ZNF71: variants seen among roughly 807,000 people sequenced by gnomAD.
ZNF71 encodes the protein zinc finger protein 71.
Under a neutral mutation model 6.7 loss-of-function variants are expected in ZNF71, and 3 were observed. The observed-to-expected ratio is 0.45, with a 90% CI of 0.20 to 1.16. ZNF71 has a LOEUF of 1.16. Ranked by LOEUF, ZNF71 falls within the 50% of genes most tolerant of loss-of-function variation. The pLI, the probability that ZNF71 is intolerant of heterozygous loss-of-function variation, is 0.25. For missense variants in ZNF71, 688 were observed against 728.6 expected (o/e 0.94, Z 0.64); for synonymous variants, 343 against 311.1 (o/e 1.10, Z -1.08).
intron 2 of ZNF71, among the ~76,000 whole-genome samples, chr19:56,612,081 T>C (rs2044756122): frequency 6.6e-6 from 1 of 152,250 alleles, no homozygotes; most frequent in African/African-American, 2.4e-5. Flanking sequence ...AAGGGAATGC[T>C]TATACACTGC....
intron 2 of ZNF71, among the ~76,000 whole-genome samples, chr19:56,605,912 G>C (rs1302130143): frequency 6.6e-6 from 1 of 152,208 alleles, no homozygotes; most frequent in African/African-American, 2.4e-5. Flanking sequence ...ATTATACATG[G>C]ATGAGGCCAT....
chr19:56,610,172 G>A (rs1180210087), intron 2 of ZNF71: 2 of 152,174 alleles, frequency 1.3e-5, no homozygotes, highest in Admixed American at 6.5e-5. Context: ...TAGGTCATAA[G>A]GTAACTCTGT....
rs146186559 is a variant in ZNF71 at position 56,622,059 on chromosome 19, A to G, written c.952A>G (p.Ile318Val). 2.0e-5 allele frequency: 32 copies of G among 1,612,990 alleles called. No individual in the cohort carries two copies. In the African/African-American group the frequency reaches 3.3e-4, roughly 17 times the overall value. ...GGCCTTCAGCCAGAACATGCACCTC[A>G]TCGTGCACCAGCGCACGCACACCGG... ...GKAFSQNMHL[I>V]VHQRTHTGEK... The change falls in exon 4 of 4, where the codon ATC becomes GTC. Residue 318 changes from isoleucine to valine, a missense_variant. Coordinates refer to ENST00000599599, the MANE Select transcript of ZNF71 (RefSeq NM_001370215.1).
chr19:56,621,521 G>A lies in ZNF71; in HGVS notation c.414G>A (p.Leu138=), dbSNP rs765637365. The A allele has an allele frequency of 5.0e-6, 8 of 1,614,070 alleles. No individual in the cohort carries two copies. In the East Asian group the frequency reaches 1.3e-4, roughly 27 times the overall value. ...LGGSVPACHE[L]KAFANQGCVL... is the part of the protein sequence containing the mutation. ...GCTCAGTACCCGCATGTCATGAACT[G>A]AAGGCATTTGCCAACCAAGGCTGTG... Residue 138 remains leucine (L), a synonymous_variant, in exon 4 of 4, where the codon CTG becomes CTA. Coordinates refer to ENST00000599599, the MANE Select transcript of ZNF71 (RefSeq NM_001370215.1).
chr19:56,609,680 G>A (rs1030457508), intron 2 of ZNF71, among the ~76,000 whole-genome samples: 7 of 141,002 alleles, frequency 5.0e-5, no homozygotes, highest in Admixed American at 2.0e-4. Flanking sequence ...TGAGCCATAC[G>A]ATATGGATTT....
At chr19:56,602,402 C>T (rs1445608355) in intron 2 of ZNF71, among the ~76,000 whole-genome samples, 1 of 152,136 alleles carries the variant, frequency 6.6e-6, no homozygotes, top group African/African-American at 2.4e-5. Flanking sequence ...GGTATGTATT[C>T]CCACCAGCAT....
At chr19:56,602,983 A>G (rs902797859) in intron 2 of ZNF71, among the ~76,000 whole-genome samples, 16 of 152,156 alleles carry the variant, frequency 1.1e-4, no homozygotes, top group African/African-American at 3.4e-4. Context: ...GAACTTTTGA[A>G]TCTACCTGTA....
chr19:56,622,724 G>A lies in ZNF71; in HGVS notation c.1617G>A (p.Thr539=), dbSNP rs745981856. ...GECGKTFSRN[T]NLTRHLRIHT ...GCGGGAAGACCTTCAGCCGCAACAC[G>A]AACCTGACGCGCCACCTGCGGATTC... Residue 539 remains threonine, a synonymous_variant, in exon 4 of 4, where the codon ACG becomes ACA. Transcript: ENST00000599599. The A allele has an allele frequency of 1.9e-5, 30 of 1,609,530 alleles. No homozygotes were observed. The East Asian group carries it at 4.9e-4, about 26-fold the overall frequency.
At chr19:56,599,068 C>A (rs2044647132) in intron 1 of ZNF71, among the ~76,000 whole-genome samples, 1 of 152,134 alleles carries the variant, frequency 6.6e-6, no homozygotes, top group Admixed American at 6.5e-5. Context: ...AATTGGTGCA[C>A]CAGCTACAAG....
intron 2 of ZNF71, among the ~76,000 whole-genome samples, chr19:56,605,773 A>G (rs2044706120): frequency 6.6e-6 from 1 of 152,232 alleles, no homozygotes; most frequent in South Asian, 2.1e-4. Flanking sequence ...TGTCTGGAAG[A>G]GAAGCGCCAG....
rs2044888808 is a variant in ZNF71, at chr19:56,624,021, T to G, written c.*1264T>G. ...TTCCTAAGGCCGACTGAAGCTCTGTTTACACATAAGAGTGTTCCCCAAAGT... is the reference window on the plus strand; with the variant it reads ...TTCCTAAGGCCGACTGAAGCTCTGTGTACACATAAGAGTGTTCCCCAAAGT... On this transcript the variant is annotated 3_prime_UTR_variant, in exon 4 of 4. Coordinates refer to ENST00000599599, the MANE Select transcript of ZNF71 (RefSeq NM_001370215.1). 1.2e-5 allele frequency: 2 copies of G among 167,116 alleles called. No homozygotes were observed. Among genetic ancestry groups the G allele is most frequent in the African/African-American group, 4.8e-5 (2 of 41,450 alleles). The allele number at this position is 167,116 out of a possible 1,614,324, so 10.4% of individuals were successfully genotyped here. A position where few individuals can be genotyped will look rare whatever the true frequency, so the allele number is the denominator to read the frequency against.
rs199608642 is a variant in ZNF71 at position 56,599,696 on chromosome 19, GTT to G, written c.-52-1797_-52-1796del. On this transcript the variant is annotated intron_variant, in intron 1 of 3. Transcript: ENST00000599599. ...AATCTGATTACATTTTTAGTGTTTT[GTT>G]TTTTTTTTTTTTTGAGATGGAGTCT... Among the ~76,000 whole-genome samples, 505 of 133,220 alleles carry G rather than the reference GTT, an allele frequency of 3.8e-3. 6 individuals are homozygous for G. In the South Asian group the frequency reaches 0.041, roughly 11 times the overall value. The allele number at this position is 133,220 out of a possible 152,430, so 87.4% of individuals were successfully genotyped here.
At chr19:56,602,300 T>G (rs2044676881) in intron 2 of ZNF71, among the ~76,000 whole-genome samples, 1 of 152,166 alleles carries the variant, frequency 6.6e-6, no homozygotes, top group African/African-American at 2.4e-5. Context: ...CTTTGTGTCT[T>G]ATATGATTTC....
chr19:56,611,268 C>T (rs1227621024), intron 2 of ZNF71, among the ~76,000 whole-genome samples: 1 of 151,984 alleles, frequency 6.6e-6, no homozygotes, highest in East Asian at 1.9e-4. Context: ...GTCAGGACTA[C>T]ATGTATGGGC....
Position 56,622,128 on chromosome 19 carries a change from C to G in ZNF71, c.1021C>G (p.Gln341Glu). 1 of 1,612,114 alleles carries G rather than the reference C, an allele frequency of 6.2e-7. No individual in the cohort carries two copies. The highest frequency in any genetic ancestry group is 8.5e-7 in the Non-Finnish European group (1 of 1,179,286). Residue 341 changes from glutamine (Q) to glutamate (E), a missense_variant, in exon 4 of 4, where the codon CAG (glutamine) becomes GAG (glutamate). By Grantham distance (29) the Gln-to-Glu change is conservative. Coordinates refer to ENST00000599599, the MANE Select transcript of ZNF71 (RefSeq NM_001370215.1). ...VCPECGRAFS[Q>E]NMHLTEHQRT... Reference sequence around the variant, plus strand: ...CCCCGAGTGCGGGCGAGCCTTCAGCCAGAACATGCACCTGACCGAGCACCA... The same window carrying G: ...CCCCGAGTGCGGGCGAGCCTTCAGCGAGAACATGCACCTGACCGAGCACCA...
chr19:56,599,441 A>G (rs2044650159), intron 1 of ZNF71, among the ~76,000 whole-genome samples: 2 of 152,212 alleles, frequency 1.3e-5, no homozygotes, highest in Non-Finnish European at 2.9e-5. Context: ...TTTAAAACAA[A>G]TTGAAGTAAA....
rs1371087162 is a variant in ZNF71 at position 56,598,001 on chromosome 19, G to A, written c.-53+2573G>A. Among the ~76,000 whole-genome samples the A allele has an allele frequency of 6.6e-6, 1 of 152,196 alleles. No homozygotes were observed. Among genetic ancestry groups the A allele is most frequent in the African/African-American group, 2.4e-5 (1 of 41,446 alleles). On this transcript the variant is annotated intron_variant, in intron 1 of 3. Transcript: ENST00000599599. The surrounding 1 kb of genome is among the most constrained non-coding windows in gnomAD (Gnocchi z 4.2). ...ATGTCTAAGTGCCTCCTGTGTGTTA[G>A]ACGTTGTCCTAGATGTCGGAAATAC...
intron 2 of ZNF71, chr19:56,610,221 G>T (rs943178082): frequency 2.0e-5 from 3 of 152,218 alleles, no homozygotes; most frequent in African/African-American, 4.8e-5. Context: ...GTCTTCCAAA[G>T]CAGCTGAACC....
rs938974080 is a variant in ZNF71, at chr19:56,603,865, C to T, written c.33+2274C>T. ...GAGCCTGTCTGGTTTCAGCGTTTTC[C>T]CTGTGGTGAAATGGTTTGTGTCATT... On this transcript the variant is annotated intron_variant, in intron 2 of 3. Transcript: ENST00000599599. This position sits in a 1 kb window ranked among gnomAD's most constrained non-coding sequence, Gnocchi z 4.6. 1.0e-4 allele frequency among the ~76,000 whole-genome samples: 12 copies of T among 120,330 alleles called. No homozygotes were observed. Among genetic ancestry groups the T allele is most frequent in the Non-Finnish European group, 7.0e-5 (4 of 56,884 alleles). The allele number at this position is 120,330 out of a possible 152,430, so 78.9% of individuals were successfully genotyped here. A position where few individuals can be genotyped will look rare whatever the true frequency, so the allele number is the denominator to read the frequency against.
Sources: allele counts gnomAD v4.1 joint callset (sites outside exome capture counted in the v4.1 genomes callset), GRCh38; gene constraint gnomAD v4.1.1; non-coding constraint Gnocchi (gnomAD v3.1); transcripts MANE v1.5; gene names NCBI Gene and HGNC (gene_info 2026-07-23, HGNC 2026-07-21).